The following MACROD2 variants were observed in gnomAD, a reference collection of about 807,000 sequenced individuals.
MACROD2 encodes the protein ADP-ribose glycohydrolase MACROD2.
In MACROD2, 36 loss-of-function variants were observed where a neutral mutation model predicts 70.4. The ratio of observed to expected loss-of-function variants is 0.51; its 90% CI spans 0.39 to 0.68. The LOEUF (loss-of-function observed/expected upper bound fraction) is 0.68. MACROD2 is among the 30% of genes least tolerant of loss of function. MACROD2 has a pLI of 0.00. For synonymous variants in MACROD2, 172 were observed against 178.8 expected, an observed-to-expected ratio of 0.96 and a Z score of 0.30; for missense variants, 496 against 538.4, an observed-to-expected ratio of 0.92 and a Z score of 0.78.
chr20:15,539,002 A>G (rs2047917353), intron 8 of MACROD2, among the ~76,000 whole-genome samples: 3 of 152,152 alleles, frequency 2.0e-5, no homozygotes. Context: ...AGTATAAATT[A>G]TAAATATATA....
chr20:15,600,111 A>G (rs1316514999), intron 8 of MACROD2, among the ~76,000 whole-genome samples: 1 of 151,996 alleles, frequency 6.6e-6, no homozygotes, highest in Non-Finnish European at 1.5e-5. Context: ...AATAGCCACT[A>G]TTCTTGGGGA....
intron 5 of MACROD2, among the ~76,000 whole-genome samples, chr20:14,874,609 C>T (rs1482395499): frequency 6.6e-6 from 1 of 151,736 alleles, no homozygotes; most frequent in Non-Finnish European, 1.5e-5. Flanking sequence ...ACAGAAATGA[C>T]AGAAGTTCTG....
At chr20:14,585,980 T>C (rs1981346574) in intron 4 of MACROD2, among the ~76,000 whole-genome samples, 1 of 152,136 alleles carries the variant, frequency 6.6e-6, no homozygotes, top group Admixed American at 6.6e-5. Context: ...TGACATTGTA[T>C]GTATCAAAAA....
At chr20:15,048,117 TAATA>T (rs148798913) in intron 5 of MACROD2, among the ~76,000 whole-genome samples, 30 of 150,308 alleles carry the variant, frequency 2.0e-4, no homozygotes, top group African/African-American at 6.4e-4. Context: ...AATAAATAAA[TAATA>T]AAAAATTAGC....
At position 16,052,168 on chromosome 20, in the gene MACROD2, G is replaced by A. The variant is rs553451402; in HGVS notation, c.*2292G>A. ...ATAATTAGATTGTGTTTTCATTTTTGCTTTGTCATGCTTTTTGGTTGTTAT... is the reference window on the plus strand; with the variant it reads ...ATAATTAGATTGTGTTTTCATTTTTACTTTGTCATGCTTTTTGGTTGTTAT... On this transcript the variant is annotated 3_prime_UTR_variant, in exon 18 of 18. Transcript: ENST00000684519. The A allele has an allele frequency of 6.6e-6, 1 of 152,212 alleles. No homozygotes were observed. The highest frequency in any genetic ancestry group is 6.5e-5 in the Admixed American group (1 of 15,278). 9.4% of individuals were successfully genotyped at this position (152,212 alleles called of 1,614,324 possible).
At chr20:15,413,705 T>G (rs2046109728) in intron 6 of MACROD2, among the ~76,000 whole-genome samples, 1 of 152,180 alleles carries the variant, frequency 6.6e-6, no homozygotes, top group Non-Finnish European at 1.5e-5. Context: ...GTTTGTGGGA[T>G]TTTTTAAAGT....
chr20:14,517,307 G>A (rs1397890638), intron 4 of MACROD2, among the ~76,000 whole-genome samples: 1 of 152,174 alleles, frequency 6.6e-6, no homozygotes, highest in African/African-American at 2.4e-5. Context: ...ATCAATGATA[G>A]ACTGGATAAA....
At chr20:14,597,274 T>C (rs1982206394) in intron 4 of MACROD2, among the ~76,000 whole-genome samples, 1 of 152,194 alleles carries the variant, frequency 6.6e-6, no homozygotes, top group African/African-American at 2.4e-5. Context: ...AATTACTACA[T>C]AAATATTTGT....
intron 10 of MACROD2, among the ~76,000 whole-genome samples, chr20:15,889,221 G>C (rs1398237727): frequency 6.6e-6 from 1 of 152,150 alleles, no homozygotes; most frequent in Non-Finnish European, 1.5e-5. Context: ...TCAATGAATA[G>C]GAGAGCTAGG....
At chr20:14,592,421 G>A (rs2123380765) in intron 4 of MACROD2, among the ~76,000 whole-genome samples, 1 of 152,110 alleles carries the variant, frequency 6.6e-6, no homozygotes, top group African/African-American at 2.4e-5. Context: ...AGTGTCTCTG[G>A]GTTTGTTTGT....
intron 5 of MACROD2, among the ~76,000 whole-genome samples, chr20:14,835,207 A>G (rs1333969744): frequency 6.6e-6 from 1 of 152,038 alleles, no homozygotes; most frequent in African/African-American, 2.4e-5. Flanking sequence ...CCTTGGACAC[A>G]TGGGGGAAAA....
At chr20:15,754,795 G>A (rs1168875803) in intron 8 of MACROD2, among the ~76,000 whole-genome samples, 1 of 146,202 alleles carries the variant, frequency 6.8e-6, no homozygotes, top group Non-Finnish European at 1.5e-5. Context: ...GTTAATCTAT[G>A]TTAGAATCAC....
At chr20:14,226,631 A>G (rs182085861) in intron 3 of MACROD2, among the ~76,000 whole-genome samples, 53 of 152,256 alleles carry the variant, frequency 3.5e-4, no homozygotes, top group African/African-American at 1.2e-3. Flanking sequence ...AGCCCGGGCA[A>G]TGAGGGGCTT....
chr20:14,507,218 T>C (rs1380535266), intron 4 of MACROD2, among the ~76,000 whole-genome samples: 1 of 151,842 alleles, frequency 6.6e-6, no homozygotes, highest in Non-Finnish European at 1.5e-5. Flanking sequence ...TACAGTTGAG[T>C]TTTGGCCATT....
intron 5 of MACROD2, among the ~76,000 whole-genome samples, chr20:14,982,017 T>G (rs993444054): frequency 6.6e-6 from 1 of 152,090 alleles, no homozygotes; most frequent in Non-Finnish European, 1.5e-5. Context: ...AAAATGCTGA[T>G]AGTGATATGA....
At chr20:14,018,089 T>C (rs2053019254) in intron 2 of MACROD2, among the ~76,000 whole-genome samples, 1 of 152,202 alleles carries the variant, frequency 6.6e-6, no homozygotes, top group African/African-American at 2.4e-5. Context: ...TCATTTTTCA[T>C]TGTATTCTCA....
chr20:15,091,041 A>G (rs1342956393), intron 5 of MACROD2, among the ~76,000 whole-genome samples: 1 of 151,944 alleles, frequency 6.6e-6, no homozygotes, highest in Non-Finnish European at 1.5e-5. Context: ...CAACTATAGC[A>G]TCCTTCAACC....
At chr20:14,984,704 G>A (rs557310558) in intron 5 of MACROD2, among the ~76,000 whole-genome samples, 1 of 152,268 alleles carries the variant, frequency 6.6e-6, no homozygotes, top group Admixed American at 6.5e-5. Flanking sequence ...GGGAAACATA[G>A]CTGTAATTTG....
At chr20:15,143,934 C>T (rs150508344) in intron 5 of MACROD2, among the ~76,000 whole-genome samples, 11 of 126,498 alleles carry the variant, frequency 8.7e-5, no homozygotes, top group East Asian at 2.3e-4. Context: ...CACTAACGAT[C>T]GCTGATGAGC....
Sources: allele counts gnomAD v4.1 joint callset (sites outside exome capture counted in the v4.1 genomes callset), GRCh38; gene constraint gnomAD v4.1.1; transcripts MANE v1.5; gene names NCBI Gene and HGNC (gene_info 2026-07-23, HGNC 2026-07-21).